The following SETD1B variants were observed in gnomAD, a reference collection of about 807,000 sequenced individuals.
SETD1B encodes SET domain containing 1B, histone lysine methyltransferase.
In SETD1B, 7 loss-of-function variants were observed where a neutral mutation model predicts 148.0. The ratio of observed to expected loss-of-function variants is 0.05; its 90% CI spans 0.03 to 0.09. The LOEUF (loss-of-function observed/expected upper bound fraction) is 0.09. Among genes scored for constraint, SETD1B ranks in the 10% least tolerant of loss-of-function variants. The pLI is 1.00. For missense variants in SETD1B, 2,155 were observed against 2,729.9 expected, an observed-to-expected ratio of 0.79 and a Z score of 4.69; for synonymous variants, 1,361 against 1,186.5, an observed-to-expected ratio of 1.15 and a Z score of -3.02.
At chr12:121,807,777 C>A (rs1284800307) in intron 4 of SETD1B, among the ~76,000 whole-genome samples, 1 of 152,118 alleles carries the variant, frequency 6.6e-6, no homozygotes, top group Non-Finnish European at 1.5e-5. Context: ...GCTCACCTGG[C>A]CCCAGATATT....
rs1214385595 is a variant in SETD1B at position 121,822,741 on chromosome 12, C to T, written c.4162C>T (p.Pro1388Ser). 1 of 1,517,170 alleles carries T rather than the reference C, an allele frequency of 6.6e-7. No homozygotes were observed. Among genetic ancestry groups the T allele is most frequent in the Non-Finnish European group, 8.9e-7 (1 of 1,124,754 alleles). The allele number at this position is 1,517,170 out of a possible 1,614,324, so 94.0% of individuals were successfully genotyped here. ...TVPATPGGEP[P>S]LSGGSSGLSL... ...GCCAGCCACACCAGGCGGGGAGCCC[C>T]CGCTATCAGGGGGCAGCAGTGGCCT... The change falls in exon 12 of 17, where the codon CCG becomes TCG. Residue 1388 changes from proline to serine, a missense_variant. Coordinates refer to ENST00000604567, the MANE Select transcript of SETD1B (RefSeq NM_001353345.2).
chr12:121,822,252 G>GTA, intron 11 of SETD1B, among the ~76,000 whole-genome samples: 1 of 152,248 alleles, frequency 6.6e-6, no homozygotes, highest in East Asian at 1.9e-4. Context: ...TAGTATGAAA[G>GTA]GCTGGAATAC....
At position 121,810,420 on chromosome 12, in the gene SETD1B, C is replaced by A. The variant is rs1875973666; in HGVS notation, c.1475C>A (p.Pro492Gln). Residue 492 changes from proline to glutamine, a missense_variant, in exon 6 of 17, where the codon CCA becomes CAA. Transcript: ENST00000604567. This position sits in a 1 kb window ranked among gnomAD's most constrained non-coding sequence, Gnocchi z 7.6. ...ACGCTGGAGTCGTCCCCTGCAGGGC[C>A]AGAGAAACCCCACGACAGCCTGGAC... ...TPTLESSPAG[P>Q]EKPHDSLDSR... The A allele has an allele frequency of 6.5e-7, 1 of 1,549,070 alleles. No homozygotes were observed. Among genetic ancestry groups the A allele is most frequent in the Non-Finnish European group, 8.7e-7 (1 of 1,146,968 alleles).
Position 121,819,835 on chromosome 12 carries a change from C to T in SETD1B, c.3850C>T (p.Pro1284Ser). 6.4e-7 allele frequency: 1 copy of T among 1,551,490 alleles called. No individual in the cohort carries two copies. The highest frequency in any genetic ancestry group is 8.7e-7 in the Non-Finnish European group (1 of 1,146,946). Reference sequence around the variant, plus strand: ...CCAGGAAGGGGCCATGTTGCTGTCTCCAGAGCCCCCTGCCAAGGAGGTGGA... The same window carrying T: ...CCAGGAAGGGGCCATGTTGCTGTCTTCAGAGCCCCCTGCCAAGGAGGTGGA... The part of the protein sequence containing the change: ...LSQEGAMLLS[P>S]EPPAKEVEAR... Residue 1284 changes from proline to serine, a missense_variant, in exon 11 of 17, where the codon CCA (proline) becomes TCA (serine). Around this residue, in one of 11 missense-constraint regions of SETD1B, gnomAD observed 862 missense variants for 873.8 expected, o/e 0.99. Coordinates refer to ENST00000604567, the MANE Select transcript of SETD1B (RefSeq NM_001353345.2).
intron 12 of SETD1B, among the ~76,000 whole-genome samples, chr12:121,824,358 G>A (rs997932570): frequency 2.0e-5 from 3 of 152,306 alleles, no homozygotes; most frequent in African/African-American, 7.2e-5. Context: ...CAAGAGCTCT[G>A]CTCAAGTGCC....
the SETD1B span, chr12:121,793,014 G>C: frequency 2.4e-5 from 17 of 713,686 alleles, no homozygotes; most frequent in African/African-American, 1.6e-4. Context: ...CAGCGCCCCT[G>C]AGCGGCCTCC....
At chr12:121,809,213 G>A (rs1417880580) in intron 5 of SETD1B, among the ~76,000 whole-genome samples, 1 of 152,186 alleles carries the variant, frequency 6.6e-6, no homozygotes, top group African/African-American at 2.4e-5. Context: ...TGGGTGACTA[G>A]GAGGACAAAG....
At chr12:121,820,896 A>G (rs1235735067) in intron 11 of SETD1B, among the ~76,000 whole-genome samples, 2 of 152,220 alleles carry the variant, frequency 1.3e-5, no homozygotes, top group African/African-American at 4.8e-5. Context: ...CATTGAACAC[A>G]TGGCTAGGGC....
At position 121,822,499 on chromosome 12, in the gene SETD1B, T is replaced by G; in HGVS notation, c.3920T>G (p.Leu1307Arg). Residue 1307 changes from leucine (L) to arginine (R), a missense_variant, in exon 12 of 17, where the codon CTG (leucine) becomes CGG (arginine). Leu to Arg is a moderately radical substitution (Grantham distance 102). Coordinates refer to ENST00000604567, the MANE Select transcript of SETD1B (RefSeq NM_001353345.2). ...GCTCACCTCTCTGCAGAACATGACC[T>G]GGAAGTGGAGCCGGAGCCCCCTATG... ...LSPERAPEHD[L>R]EVEPEPPMML... is the part of the protein sequence containing the mutation. The G allele has an allele frequency of 6.5e-7, 1 of 1,544,380 alleles. No homozygotes were observed. The highest frequency in any genetic ancestry group is 8.8e-7 in the Non-Finnish European group (1 of 1,142,038).
chr12:121,793,330 C>T, the SETD1B span: 11 of 1,445,850 alleles, frequency 7.6e-6, no homozygotes, highest in South Asian at 1.2e-5. Context: ...TCACTCGTCC[C>T]GGATCAGCCC....
chr12:121,790,788 T>C, the SETD1B span, among the ~76,000 whole-genome samples: 119,217 of 152,174 alleles, frequency 0.78, 47,300 homozygotes, highest in East Asian at 0.98. Flanking sequence ...GGTCTGGGGG[T>C]CAGCTTGGGG....
rs1876650688 is a variant in SETD1B at position 121,823,080 on chromosome 12, C to T, written c.4501C>T (p.Pro1501Ser). The change falls in exon 12 of 17, where the codon CCA (proline) becomes TCA (serine). Residue 1501 changes from proline (P) to serine (S), a missense_variant. Transcript: ENST00000604567. ...RAQARAPTPL[P>S]PLLPAPLASC... is the part of the protein sequence containing the mutation. ...CCAGGCTCGTGCGCCCACCCCGCTG[C>T]CACCCCTGCTGCCCGCCCCCCTGGC... 2.2e-5 allele frequency: 32 copies of T among 1,479,340 alleles called. No individual in the cohort carries two copies. Among genetic ancestry groups the T allele is most frequent in the East Asian group, 5.0e-5 (2 of 40,054 alleles). 91.6% of individuals were successfully genotyped at this position (1,479,340 alleles called of 1,614,324 possible). A position where few individuals can be genotyped will look rare whatever the true frequency, so the allele number is the denominator to read the frequency against.
Position 121,817,088 on chromosome 12 carries a change from C to G in SETD1B, c.2771C>G (p.Pro924Arg). ...GEHKDEDRPK[P>R]KDRIASCLLE... Reference sequence around the variant, plus strand: ...CACAAGGACGAGGACAGGCCGAAGCCCAAGGACCGCATCGCCTCGTGCCTG... The same window carrying G: ...CACAAGGACGAGGACAGGCCGAAGCGCAAGGACCGCATCGCCTCGTGCCTG... Residue 924 changes from proline to arginine, a missense_variant, in exon 8 of 17, where the codon CCC becomes CGC. By Grantham distance (103) the Pro-to-Arg change is moderately radical. Coordinates refer to ENST00000604567, the MANE Select transcript of SETD1B (RefSeq NM_001353345.2). This position sits in a 1 kb window ranked among gnomAD's most constrained non-coding sequence, Gnocchi z 8.1. 1 of 1,548,732 alleles carries G rather than the reference C, an allele frequency of 6.5e-7. No homozygotes were observed. Among genetic ancestry groups the G allele is most frequent in the East Asian group, 2.4e-5 (1 of 40,886 alleles).
Position 121,823,742 on chromosome 12 carries a change from C to T in SETD1B, c.5163C>T (p.Tyr1721=), listed in dbSNP as rs184885980. ...MDWLNDTLWV[Y]HPSTSLSSAK... ...GGCTTAACGACACGCTCTGGGTCTA[C>T]CATCCCTATATCCTGCTGGCATGGG... is the stretch of plus-strand genomic sequence containing the variant. Residue 1721 remains tyrosine, a synonymous_variant, in exon 12 of 17, where the codon TAC becomes TAT. Coordinates refer to ENST00000604567, the MANE Select transcript of SETD1B (RefSeq NM_001353345.2). 45 of 1,548,860 alleles carry T rather than the reference C, an allele frequency of 2.9e-5. 1 individual carries two copies. The African/African-American group carries it at 4.6e-4, about 16-fold the overall frequency.
In SETD1B at chr12:121,819,912, C is replaced by T. The variant is rs2137572260; in HGVS notation, c.3910+17C>T. 1.3e-6 allele frequency: 2 copies of T among 1,542,124 alleles called. No homozygotes were observed. The highest frequency in any genetic ancestry group is 2.5e-5 in the East Asian group (1 of 40,810). On this transcript the variant is annotated intron_variant, in intron 11 of 16. Coordinates refer to ENST00000604567, the MANE Select transcript of SETD1B (RefSeq NM_001353345.2). ...GAGCTCCAGGTAACACCTGCAACCC[C>T]CTGGGAGGGTGGTGGGAGGGAGGCA...
chr12:121,814,985 C>G, intron 7 of SETD1B, 55 bp downstream of exon 7: 1 of 1,439,782 alleles, frequency 6.9e-7, no homozygotes, highest in Non-Finnish European at 9.4e-7. Context: ...GGCAGGTCCC[C>G]AGCCGGGCAC....
intron 12 of SETD1B, among the ~76,000 whole-genome samples, chr12:121,824,485 A>T (rs1403973896): frequency 6.6e-6 from 1 of 152,114 alleles, no homozygotes; most frequent in East Asian, 1.9e-4. Flanking sequence ...CATTTCTACT[A>T]AAAATACAAA....
chr12:121,797,595 T>C, the SETD1B span: 7 of 456,380 alleles, frequency 1.5e-5, no homozygotes, highest in South Asian at 7.7e-5. Context: ...AGCTCACTGA[T>C]TGGATCCAGG....
In SETD1B at chr12:121,825,348, G is replaced by C. The variant is rs577601604; in HGVS notation, c.5319G>C (p.Glu1773Asp). 3 of 1,550,436 alleles carry C rather than the reference G, an allele frequency of 1.9e-6. No homozygotes were observed. Among genetic ancestry groups the C allele is most frequent in the Middle Eastern group, 1.7e-4 (1 of 5,992 alleles). Residue 1773 changes from glutamate to aspartate, a missense_variant, in exon 13 of 17, where the codon GAG becomes GAC. Glu to Asp is a conservative substitution (Grantham distance 45). Transcript: ENST00000604567. ...YLNSSRASTD[E>D]PPADTQGMSI... ...ACAGCAGCCGTGCCAGCACCGATGA[G>C]CCCCCCGCAGACACCCAGGTACTGC... is the stretch of plus-strand genomic sequence containing the variant.
Sources: allele counts gnomAD v4.1 joint callset (sites outside exome capture counted in the v4.1 genomes callset), GRCh38; gene constraint gnomAD v4.1.1; regional missense constraint gnomAD v4.1.1; non-coding constraint Gnocchi (gnomAD v3.1); transcripts MANE v1.5; gene names NCBI Gene and HGNC (gene_info 2026-07-23, HGNC 2026-07-21).